TNRC6B: variants seen among roughly 807,000 people sequenced by gnomAD.
TNRC6B encodes trinucleotide repeat containing adaptor 6B.
In TNRC6B, 52 loss-of-function variants were observed where a neutral mutation model predicts 203.6. The observed-to-expected ratio is 0.26, with a 90% CI of 0.20 to 0.32. The LOEUF is 0.32. Ranked by LOEUF, TNRC6B falls within the 10% of genes least tolerant of loss-of-function variation. The pLI, the probability that TNRC6B is intolerant of heterozygous loss-of-function variation, is 1.00. For synonymous variants in TNRC6B, 838 were observed against 845.7 expected (o/e 0.99, Z 0.16); for missense variants, 1,923 against 2,286.2 (o/e 0.84, Z 3.24).
intron 1 of TNRC6B, among the ~76,000 whole-genome samples, chr22:40,239,434 G>C (rs1018104838): frequency 1.3e-5 from 2 of 152,248 alleles, no homozygotes; most frequent in Middle Eastern, 6.8e-3. Context: ...AACAAGAGAC[G>C]GGGCAATAGT....
chr22:40,330,387 T>C lies in TNRC6B; in HGVS notation c.*7146T>C, dbSNP rs1366894851. On this transcript the variant is annotated 3_prime_UTR_variant, in exon 23 of 23. Transcript: ENST00000454349. Reference sequence around the variant, plus strand: ...TGTACAACTCCCAGAGGGGTGGCTGTAAAAGTTGACTGGAGGCAAAGTGGA... The same window carrying C: ...TGTACAACTCCCAGAGGGGTGGCTGCAAAAGTTGACTGGAGGCAAAGTGGA... The C allele has an allele frequency of 6.6e-6, 1 of 152,184 alleles. No homozygotes were observed. The highest frequency in any genetic ancestry group is 1.9e-4 in the East Asian group (1 of 5,192). 9.4% of individuals were successfully genotyped at this position (152,184 alleles called of 1,614,324 possible). A position where few individuals can be genotyped will look rare whatever the true frequency, so the allele number is the denominator to read the frequency against.
intron 2 of TNRC6B, among the ~76,000 whole-genome samples, chr22:40,121,832 A>G (rs1388262811): frequency 3.9e-5 from 6 of 152,386 alleles, no homozygotes; most frequent in African/African-American, 1.2e-4. Flanking sequence ...CAAAGTTGCC[A>G]TAACTACAGT....
rs115239741 is a variant in TNRC6B, at chr22:40,128,408, G to T, written c.45+2546G>T. Among the ~76,000 whole-genome samples the T allele has an allele frequency of 9.7e-3, 1,484 of 152,282 alleles. 27 individuals carry two copies. Among genetic ancestry groups the T allele is most frequent in the African/African-American group, 0.033 (1,388 of 41,536 alleles). ...TGTTAACAGAAGGCCATTAGGAAAG[G>T]TAGTAGGTTTTGAGGAAAAGTAGAG... On this transcript the variant is annotated intron_variant, in intron 3 of 23. Coordinates refer to the TNRC6B transcript ENST00000301923.
At chr22:40,212,395 C>G (rs2069577194) in intron 1 of TNRC6B, among the ~76,000 whole-genome samples, 4 of 152,234 alleles carry the variant, frequency 2.6e-5, no homozygotes, top group Non-Finnish European at 5.9e-5. Context: ...CATTCTTAGC[C>G]TCTGTACATA....
rs2294347 is a variant in TNRC6B, at chr22:40,310,632, G to A, written c.4259-185G>A. Among the ~76,000 whole-genome samples, 318 of 152,296 alleles carry A rather than the reference G, an allele frequency of 2.1e-3. 6 individuals carry two copies. In the East Asian group the frequency reaches 0.056, roughly 27 times the overall value. On this transcript the variant is annotated intron_variant, in intron 16 of 22. Coordinates refer to ENST00000454349, the MANE Select transcript of TNRC6B (RefSeq NM_001162501.2). ...ACTGAGAGGCTCAGAGAGGCGAAAT[G>A]ACTTGTTGTTGGTCATGCTGCTTAG... is the stretch of plus-strand genomic sequence containing the variant.
intron 21 of TNRC6B, among the ~76,000 whole-genome samples, chr22:40,319,241 G>C (rs1161974415): frequency 6.6e-6 from 1 of 151,028 alleles, no homozygotes; most frequent in Non-Finnish European, 1.5e-5. Context: ...CTGGGTGACA[G>C]AAGAGTGAGA....
chr22:40,051,620 C>A (rs953907260), intron 1 of TNRC6B, among the ~76,000 whole-genome samples: 2 of 152,190 alleles, frequency 1.3e-5, no homozygotes, highest in African/African-American at 4.8e-5. Context: ...ACAGGCACTA[C>A]AGTTTGAAAG....
chr22:40,190,824 G>A (rs948244958), intron 1 of TNRC6B, among the ~76,000 whole-genome samples: 1 of 152,248 alleles, frequency 6.6e-6, no homozygotes, highest in African/African-American at 2.4e-5. Flanking sequence ...GCATTGGCAT[G>A]CTGGGTAGAC....
At chr22:40,280,624 ATTGGTT>A in intron 10 of TNRC6B, among the ~76,000 whole-genome samples, 1 of 152,314 alleles carries the variant, frequency 6.6e-6, no homozygotes, top group Middle Eastern at 3.4e-3. Flanking sequence ...GTTTCTACCT[ATTGGTT>A]TTGATGTTTA....
At chr22:40,157,803 A>AC (rs1033147924) in intron 4 of TNRC6B, among the ~76,000 whole-genome samples, 1 of 152,194 alleles carries the variant, frequency 6.6e-6, no homozygotes, top group African/African-American at 2.4e-5. Flanking sequence ...TTTTCTGTGC[A>AC]CAAGGTACTT....
chr22:40,221,537 T>TC (rs1218673757), intron 1 of TNRC6B, among the ~76,000 whole-genome samples: 1 of 152,178 alleles, frequency 6.6e-6, no homozygotes, highest in African/African-American at 2.4e-5. Flanking sequence ...CCTCCCTGGC[T>TC]CAAGTGGTCC....
At chr22:40,223,890 T>C (rs945419045) in intron 1 of TNRC6B, among the ~76,000 whole-genome samples, 1 of 152,236 alleles carries the variant, frequency 6.6e-6, no homozygotes, top group African/African-American at 2.4e-5. Flanking sequence ...AGCAATGGTA[T>C]ATGTGAATGC....
At chr22:40,128,536 A>G (rs1163789530) in intron 3 of TNRC6B, among the ~76,000 whole-genome samples, 1 of 149,670 alleles carries the variant, frequency 6.7e-6, no homozygotes, top group Non-Finnish European at 1.5e-5. Context: ...GTGTGGTGGT[A>G]TGATCACGGC....
chr22:40,067,081 T>C (rs1011751287), intron 1 of TNRC6B, among the ~76,000 whole-genome samples: 1 of 151,986 alleles, frequency 6.6e-6, no homozygotes, highest in African/African-American at 2.4e-5. Flanking sequence ...TTTTTGTATT[T>C]TTTGTAGAGA....
At chr22:40,317,701 G>A (rs1460779235) in intron 21 of TNRC6B, among the ~76,000 whole-genome samples, 5 of 152,288 alleles carry the variant, frequency 3.3e-5, no homozygotes, top group African/African-American at 1.2e-4. Context: ...TCTATTGGAG[G>A]AGCTTCATTT....
chr22:40,219,634 T>C (rs1250102169), intron 1 of TNRC6B, among the ~76,000 whole-genome samples: 1 of 152,144 alleles, frequency 6.6e-6, no homozygotes, highest in Non-Finnish European at 1.5e-5. Flanking sequence ...CTTCCTGCGC[T>C]TCACACTCAA....
intron 1 of TNRC6B, among the ~76,000 whole-genome samples, chr22:40,185,277 C>T (rs964481698): frequency 6.6e-6 from 1 of 152,164 alleles, no homozygotes; most frequent in African/African-American, 2.4e-5. Context: ...GTGTGAGCCA[C>T]CACACCTGGC....
At chr22:40,074,194 T>G in intron 1 of TNRC6B, among the ~76,000 whole-genome samples, 1 of 146,350 alleles carries the variant, frequency 6.8e-6, no homozygotes, top group East Asian at 2.0e-4. Flanking sequence ...ATCACACCAC[T>G]GCTCTCCAGC....
At chr22:40,186,696 C>A (rs908456916) in intron 1 of TNRC6B, among the ~76,000 whole-genome samples, 2 of 150,292 alleles carry the variant, frequency 1.3e-5, no homozygotes, top group Non-Finnish European at 3.0e-5. Flanking sequence ...CGAGATCACG[C>A]CACTGAACTC....
Sources: allele counts gnomAD v4.1 joint callset (sites outside exome capture counted in the v4.1 genomes callset), GRCh38; gene constraint gnomAD v4.1.1; transcripts MANE v1.5; gene names NCBI Gene and HGNC (gene_info 2026-07-23, HGNC 2026-07-21).